CHST11: variants seen among roughly 807,000 people sequenced by gnomAD.
CHST11 encodes the protein C4S-1.
A neutral mutation model predicts 30.4 loss-of-function variants in CHST11; 9 were observed. The observed-to-expected ratio is 0.30, with a 90% CI of 0.18 to 0.52. The LOEUF (loss-of-function observed/expected upper bound fraction) is 0.52. CHST11 is among the 20% of genes least tolerant of loss of function. The probability of loss-of-function intolerance (pLI) is 0.97; values close to 1 mark genes in which losing one functional copy is unlikely to be tolerated. For synonymous variants in CHST11, 152 were observed against 187.8 expected, an observed-to-expected ratio of 0.81 and a Z score of 1.56; for missense variants, 348 against 460.6, an observed-to-expected ratio of 0.76 and a Z score of 2.24.
intron 2 of CHST11, among the ~76,000 whole-genome samples, chr12:104,749,096 A>G (rs1252694262): frequency 6.6e-6 from 1 of 152,208 alleles, no homozygotes; most frequent in Non-Finnish European, 1.5e-5. Flanking sequence ...AAAGTGTTCC[A>G]TACATGAGGA....
chr12:104,715,856 T>A (rs2040126727), intron 2 of CHST11, among the ~76,000 whole-genome samples: 1 of 152,194 alleles, frequency 6.6e-6, no homozygotes, highest in Admixed American at 6.5e-5. Context: ...AGCTCGTGTG[T>A]GTCGCGCCTT....
At chr12:104,738,639 C>T (rs1002014292) in intron 2 of CHST11, among the ~76,000 whole-genome samples, 1 of 152,220 alleles carries the variant, frequency 6.6e-6, no homozygotes, top group African/African-American at 2.4e-5. Flanking sequence ...TTTACAGCCA[C>T]CTTTAAAGCA....
At chr12:104,503,493 G>T (rs894810244) in intron 1 of CHST11, among the ~76,000 whole-genome samples, 5 of 152,234 alleles carry the variant, frequency 3.3e-5, no homozygotes, top group Non-Finnish European at 7.3e-5. Context: ...GTGTGTGCAT[G>T]TTTAGGAATA....
At chr12:104,599,280 A>G (rs2038935569) in intron 1 of CHST11, among the ~76,000 whole-genome samples, 1 of 152,208 alleles carries the variant, frequency 6.6e-6, no homozygotes, top group South Asian at 2.1e-4. Flanking sequence ...AAGGCCTTGT[A>G]TTAGACAAAT....
chr12:104,646,668 C>T (rs574177092), intron 2 of CHST11, among the ~76,000 whole-genome samples: 1 of 152,290 alleles, frequency 6.6e-6, no homozygotes, highest in South Asian at 2.1e-4. Context: ...CACTGCACTC[C>T]AACCTGGCGA....
At chr12:104,486,670 A>C (rs1593963247) in intron 1 of CHST11, among the ~76,000 whole-genome samples, 1 of 152,118 alleles carries the variant, frequency 6.6e-6, no homozygotes, top group East Asian at 1.9e-4. Flanking sequence ...CGAAAGCCTC[A>C]TTGCCAGGGC....
At chr12:104,528,333 A>T (rs2038148688) in intron 1 of CHST11, among the ~76,000 whole-genome samples, 1 of 152,236 alleles carries the variant, frequency 6.6e-6, no homozygotes, top group Non-Finnish European at 1.5e-5. Flanking sequence ...TTCAAAAGCT[A>T]AAGGCTTCTT....
At chr12:104,651,391 C>T (rs2039488095) in intron 2 of CHST11, among the ~76,000 whole-genome samples, 1 of 152,224 alleles carries the variant, frequency 6.6e-6, no homozygotes, top group South Asian at 2.1e-4. Context: ...TGAACACCTA[C>T]TCTGTTGGAG....
Position 104,583,860 on chromosome 12 carries a change from C to A in CHST11, c.119-18046C>A, listed in dbSNP as rs562889177. Among the ~76,000 whole-genome samples the A allele has an allele frequency of 9.2e-5, 14 of 152,134 alleles. No homozygotes were observed. In the South Asian group the frequency reaches 2.7e-3, roughly 29 times the overall value. The stretch of plus-strand genomic sequence containing the variant: ...TCTGAGTAGCTGGGATTACAGGCAC[C>A]TGCCACCACACCCAGCTAATTTTTG... On this transcript the variant is annotated intron_variant, in intron 1 of 2. Transcript: ENST00000303694.
chr12:104,457,808 C>CT (rs1257834076), intron 1 of CHST11, among the ~76,000 whole-genome samples: 9,174 of 122,158 alleles, frequency 0.075, 334 homozygotes, highest in South Asian at 0.12. Flanking sequence ...TTTTTTTCTT[C>CT]TTCTTTTTTT....
intron 2 of CHST11, among the ~76,000 whole-genome samples, chr12:104,667,469 A>G (rs2039652148): frequency 6.6e-6 from 1 of 152,142 alleles, no homozygotes; most frequent in Non-Finnish European, 1.5e-5. Flanking sequence ...CAGCTTTTGG[A>G]GTTTCATCCC....
chr12:104,466,072 C>A (rs1457880086), intron 1 of CHST11, among the ~76,000 whole-genome samples: 2 of 151,998 alleles, frequency 1.3e-5, no homozygotes, highest in African/African-American at 4.8e-5. Context: ...GTTGGCCAGG[C>A]TGGTCTCGAA....
At chr12:104,474,682 C>T (rs2037541077) in intron 1 of CHST11, among the ~76,000 whole-genome samples, 1 of 152,014 alleles carries the variant, frequency 6.6e-6, no homozygotes, top group African/African-American at 2.4e-5. Flanking sequence ...ATTAGGAACA[C>T]AGAGGTCATT....
chr12:104,512,910 C>G lies in CHST11; in HGVS notation c.118+55381C>G, dbSNP rs372980397. 3.9e-4 allele frequency among the ~76,000 whole-genome samples: 60 copies of G among 152,188 alleles called. 1 individual carries two copies. Among genetic ancestry groups the G allele is most frequent in the African/African-American group, 1.4e-3 (57 of 41,498 alleles). On this transcript the variant is annotated intron_variant, in intron 1 of 2. Transcript: ENST00000303694. ...CCAATCAGCATATCTCAGATGTTTT[C>G]TTGGAGACTCCATTAGGCTTTAACA...
intron 1 of CHST11, among the ~76,000 whole-genome samples, chr12:104,464,412 G>A (rs756191094): frequency 1.8e-4 from 27 of 152,014 alleles, no homozygotes; most frequent in Non-Finnish European, 3.1e-4. Flanking sequence ...AGTGTACTTT[G>A]GTTAAGTGGT....
chr12:104,706,262 T>C (rs996398445), intron 2 of CHST11, among the ~76,000 whole-genome samples: 1 of 151,774 alleles, frequency 6.6e-6, no homozygotes, highest in Non-Finnish European at 1.5e-5. Context: ...CGCATGCCTG[T>C]AATCCCAGCT....
intron 2 of CHST11, among the ~76,000 whole-genome samples, chr12:104,635,231 A>C (rs1476998739): frequency 6.6e-6 from 1 of 152,188 alleles, no homozygotes; most frequent in East Asian, 1.9e-4. Context: ...CACCATGTCC[A>C]AGCTTTGTAT....
At chr12:104,640,262 C>T (rs934497620) in intron 2 of CHST11, among the ~76,000 whole-genome samples, 5 of 152,156 alleles carry the variant, frequency 3.3e-5, no homozygotes, top group Non-Finnish European at 7.3e-5. Flanking sequence ...TATGTATCCA[C>T]AAAAATCTGC....
chr12:104,574,002 A>G (rs1170047759), intron 1 of CHST11, among the ~76,000 whole-genome samples: 1 of 152,256 alleles, frequency 6.6e-6, no homozygotes, highest in Non-Finnish European at 1.5e-5. Context: ...ATGAACTCAA[A>G]CGAATTTACA....
Sources: allele counts gnomAD v4.1 joint callset (sites outside exome capture counted in the v4.1 genomes callset), GRCh38; gene constraint gnomAD v4.1.1; transcripts MANE v1.5; gene names NCBI Gene and HGNC (gene_info 2026-07-23, HGNC 2026-07-21).